KATNIP: variants seen among roughly 807,000 people sequenced by gnomAD.
KATNIP encodes the protein katanin interacting protein.
A neutral mutation model predicts 174.0 loss-of-function variants in KATNIP; 126 were observed. The ratio of observed to expected loss-of-function variants is 0.72; its 90% confidence interval spans 0.63 to 0.84. KATNIP has a LOEUF of 0.84. Ranked by LOEUF, KATNIP falls within the 40% of genes least tolerant of loss-of-function variation. KATNIP has a pLI of 0.00. For missense variants in KATNIP, 1,958 were observed against 2,109.7 expected, an observed-to-expected ratio of 0.93 and a Z score of 1.41; for synonymous variants, 810 against 835.7, an observed-to-expected ratio of 0.97 and a Z score of 0.53.
At chr16:27,655,393 C>T (rs1418654417) in intron 6 of KATNIP, among the ~76,000 whole-genome samples, 2 of 146,956 alleles carry the variant, frequency 1.4e-5, no homozygotes, top group African/African-American at 5.3e-5. Context: ...ACCACCATGT[C>T]CAGCCAATTA....
chr16:27,660,027 C>T (rs957671523), intron 6 of KATNIP: 11 of 982,652 alleles, frequency 1.1e-5, no homozygotes, highest in African/African-American at 3.5e-5. Flanking sequence ...TCGGAGTTTG[C>T]GAGTCTTGTT....
At chr16:27,734,555 C>T (rs1047308454) in intron 14 of KATNIP, among the ~76,000 whole-genome samples, 5 of 151,884 alleles carry the variant, frequency 3.3e-5, no homozygotes, top group African/African-American at 7.3e-5. Flanking sequence ...AAAAAATAGC[C>T]GGGCGTAGTG....
chr16:27,668,241 C>T (rs1336807951), intron 6 of KATNIP, among the ~76,000 whole-genome samples: 1 of 152,146 alleles, frequency 6.6e-6, no homozygotes, highest in Admixed American at 6.5e-5. Context: ...TTGGCTGTGT[C>T]CCCACCCAAA....
At chr16:27,674,356 A>T (rs1280336892) in intron 6 of KATNIP, among the ~76,000 whole-genome samples, 2 of 152,222 alleles carry the variant, frequency 1.3e-5, no homozygotes, top group Non-Finnish European at 2.9e-5. Context: ...GTATCCTAAA[A>T]CTTAAAGTAT....
At chr16:27,778,037 TGGC>T (rs2082565374) in intron 27 of KATNIP, 68 bp downstream of exon 27, 2 of 1,443,932 alleles carry the variant, frequency 1.4e-6, no homozygotes, top group Admixed American at 3.6e-5. Flanking sequence ...AAGGAGCTGG[TGGC>T]CTTGCACCCC....
chr16:27,734,464 C>T (rs967044061), intron 14 of KATNIP, among the ~76,000 whole-genome samples: 13 of 148,390 alleles, frequency 8.8e-5, no homozygotes, highest in African/African-American at 3.0e-4. Flanking sequence ...TTTGGGAGGG[C>T]GAGGTGGACG....
At chr16:27,590,564 G>A (rs939597579) in intron 2 of KATNIP, among the ~76,000 whole-genome samples, 1 of 152,152 alleles carries the variant, frequency 6.6e-6, no homozygotes, top group Non-Finnish European at 1.5e-5. Context: ...ACTTGGTCTT[G>A]TGAGCACAGG....
intron 2 of KATNIP, among the ~76,000 whole-genome samples, chr16:27,591,767 G>T (rs2075175472): frequency 6.6e-6 from 1 of 152,136 alleles, no homozygotes. Context: ...CCATGGTAGT[G>T]GTGGTTTTGG....
intron 6 of KATNIP, among the ~76,000 whole-genome samples, chr16:27,663,806 T>C (rs1170436356): frequency 2.0e-5 from 3 of 151,494 alleles, no homozygotes; most frequent in African/African-American, 7.3e-5. Flanking sequence ...TTTTTTCCCC[T>C]CCTATATGTT....
rs1423873080 is a variant in KATNIP, at chr16:27,552,709, T to C, written c.7+2532T>C. 6.0e-3 allele frequency among the ~76,000 whole-genome samples: 889 copies of C among 147,740 alleles called. 8 individuals are homozygous for C. The highest frequency in any genetic ancestry group is 0.021 in the African/African-American group (840 of 39,920). On this transcript the variant is annotated intron_variant, in intron 1 of 27. Coordinates refer to ENST00000261588, the MANE Select transcript of KATNIP (RefSeq NM_015202.5). ...CAGTTTTTTTTTTTTTTTTTTTTTTTTGAGACGGGAGTTTTGCCGTCGTTG... is the reference window on the plus strand; with the variant it reads ...CAGTTTTTTTTTTTTTTTTTTTTTTCTGAGACGGGAGTTTTGCCGTCGTTG...
At chr16:27,634,693 T>TC (rs1268645289) in intron 5 of KATNIP, among the ~76,000 whole-genome samples, 1 of 152,082 alleles carries the variant, frequency 6.6e-6, no homozygotes, top group Non-Finnish European at 1.5e-5. Flanking sequence ...CCAACATCTA[T>TC]CCCCCTCCTC....
At chr16:27,721,292 A>G (rs1052456717) in intron 13 of KATNIP, among the ~76,000 whole-genome samples, 1 of 152,214 alleles carries the variant, frequency 6.6e-6, no homozygotes, top group African/African-American at 2.4e-5. Context: ...TGCATTTTAA[A>G]TTCCGTCTGG....
intron 8 of KATNIP, chr16:27,685,214 C>A (rs1025883427): frequency 1.3e-5 from 2 of 152,026 alleles, no homozygotes; most frequent in Non-Finnish European, 2.9e-5. Flanking sequence ...TGGCAAAACC[C>A]CATCTCTACT....
At chr16:27,681,312 A>C in intron 7 of KATNIP, 87 bp from the exon 8 acceptor site, 1 of 1,506,904 alleles carries the variant, frequency 6.6e-7, no homozygotes, top group South Asian at 1.1e-5. Context: ...TGAATGAGTA[A>C]GTGAATGAAT....
At position 27,698,351 on chromosome 16, in the gene KATNIP, CCCCT is replaced by C; in HGVS notation, c.965_968del (p.Pro322ArgfsTer113). ...AGGACCTGGAAGCCGGCGAGAGAGA[CCCCT>C]GTCTGCAACCCGCAAAACTCTTTGC... On this transcript the variant is annotated frameshift_variant, in exon 9 of 28. Transcript: ENST00000261588. LOFTEE classifies it high-confidence loss of function. 1 of 1,611,768 alleles carries C rather than the reference CCCCT, an allele frequency of 6.2e-7. No homozygotes were observed. The highest frequency in any genetic ancestry group is 8.5e-7 in the Non-Finnish European group (1 of 1,178,680).
chr16:27,769,338 G>A (rs934739643), intron 20 of KATNIP, among the ~76,000 whole-genome samples: 3 of 152,228 alleles, frequency 2.0e-5, no homozygotes, highest in African/African-American at 7.2e-5. Context: ...AGCTCCCAGA[G>A]GGGTATTGAT....
Position 27,698,441 on chromosome 16 carries a change from G to A in KATNIP, c.1054G>A (p.Ala352Thr), listed in dbSNP as rs530039039. The change falls in exon 9 of 28, where the codon GCA becomes ACA. Residue 352 changes from alanine to threonine, a missense_variant. Physicochemically the swap from Ala to Thr is moderately conservative, Grantham distance 58. Around this residue, in one of 3 missense-constraint regions of KATNIP, gnomAD observed 1,557 missense variants for 1,617.8 expected, o/e 0.96. Coordinates refer to ENST00000261588, the MANE Select transcript of KATNIP (RefSeq NM_015202.5). Reference protein sequence around the residue: ...AVLQAIQVENAALQRALLSRK... With the variant: ...AVLQAIQVENTALQRALLSRK... ...GCTCCAAGCCATCCAGGTGGAGAAC[G>A]CAGCCCTGCAGAGGGCGCTCCTCAG... 1.2e-5 allele frequency: 19 copies of A among 1,613,252 alleles called. No individual in the cohort carries two copies. The East Asian group carries it at 1.8e-4, about 15-fold the overall frequency.
chr16:27,742,224 C>T (rs2081136901), intron 15 of KATNIP, among the ~76,000 whole-genome samples: 2 of 152,092 alleles, frequency 1.3e-5, no homozygotes, highest in South Asian at 2.1e-4. Flanking sequence ...GGAGTCAAAC[C>T]ATTGAATCCA....
At chr16:27,567,070 T>G (rs925904503) in intron 1 of KATNIP, among the ~76,000 whole-genome samples, 1 of 152,200 alleles carries the variant, frequency 6.6e-6, no homozygotes, top group Non-Finnish European at 1.5e-5. Context: ...CACACATTAC[T>G]GATTGATCTC....
Sources: gnomAD v4.1 joint callset for allele counts (sites outside exome capture counted in the v4.1 genomes callset) on GRCh38, gnomAD v4.1.1 for gene constraint, gnomAD v4.1.1 regional missense constraint, MANE v1.5 for transcripts, NCBI Gene and HGNC (gene_info 2026-07-23, HGNC 2026-07-21) for gene names.